The following KCNIP4 variants were observed in gnomAD, a reference collection of about 807,000 sequenced individuals.
KCNIP4 encodes potassium voltage-gated channel interacting protein 4.
In KCNIP4, 12 loss-of-function variants were observed where a neutral mutation model predicts 34.0. The observed-to-expected ratio is 0.35, with a 90% CI of 0.23 to 0.57. The LOEUF (loss-of-function observed/expected upper bound fraction) is 0.57. Among genes scored for constraint, KCNIP4 ranks in the 20% least tolerant of loss-of-function variants. The pLI is 0.83. For synonymous variants in KCNIP4, 124 were observed against 102.2 expected (o/e 1.21, Z -1.29); for missense variants, 238 against 311.7 (o/e 0.76, Z 1.78).
At chr4:20,823,750 T>TA (rs1717392422) in intron 3 of KCNIP4, among the ~76,000 whole-genome samples, 1 of 152,212 alleles carries the variant, frequency 6.6e-6, no homozygotes, top group Non-Finnish European at 1.5e-5. Flanking sequence ...TATTCTTTTA[T>TA]AGCAGTCCAA....
chr4:21,893,365 C>A (rs564129370), intron 1 of KCNIP4, among the ~76,000 whole-genome samples: 1 of 152,148 alleles, frequency 6.6e-6, no homozygotes, highest in Non-Finnish European at 1.5e-5. Context: ...TTTTTTATAA[C>A]GTTTCTTCTG....
rs2167247 is a variant in KCNIP4 at position 21,699,779 on chromosome 4, T to C, written c.61+248792A>G. Among the ~76,000 whole-genome samples the C allele has an allele frequency of 2.0e-5, 3 of 152,184 alleles. No individual in the cohort carries two copies. The East Asian group carries it at 5.8e-4, about 29-fold the overall frequency. On this transcript the variant is annotated intron_variant, in intron 1 of 8. Coordinates refer to ENST00000382152, the MANE Select transcript of KCNIP4 (RefSeq NM_025221.6). ...AGCCTTATAGCTGGGGTAAGGGATT[T>C]AGATTTCAGTCTCTTTGCCAGAAAG...
intron 1 of KCNIP4, among the ~76,000 whole-genome samples, chr4:21,790,638 G>A (rs934596124): frequency 6.6e-6 from 1 of 151,990 alleles, no homozygotes. Flanking sequence ...AGAAGAGGGC[G>A]CTATCCTCAA....
At chr4:21,483,299 A>T (rs59042691) in intron 1 of KCNIP4, among the ~76,000 whole-genome samples, 1 of 152,122 alleles carries the variant, frequency 6.6e-6, no homozygotes, top group East Asian at 1.9e-4. Context: ...TCTTCATCAA[A>T]TTAATAATAA....
At chr4:21,634,393 CACTTTAT>C (rs1021891784) in intron 1 of KCNIP4, among the ~76,000 whole-genome samples, 21 of 152,002 alleles carry the variant, frequency 1.4e-4, no homozygotes, top group African/African-American at 4.8e-4. Flanking sequence ...GAGAAATGTA[CACTTTAT>C]ACTTTATATA....
At chr4:21,254,157 T>C (rs1370150793) in intron 1 of KCNIP4, among the ~76,000 whole-genome samples, 1 of 152,232 alleles carries the variant, frequency 6.6e-6, no homozygotes, top group East Asian at 1.9e-4. Context: ...TAAATGTATA[T>C]ATATGCATAC....
chr4:20,889,766 T>TAAA (rs199735267), intron 1 of KCNIP4, among the ~76,000 whole-genome samples: 6 of 119,386 alleles, frequency 5.0e-5, no homozygotes, highest in East Asian at 4.9e-4. Context: ...AACTGGAAGT[T>TAAA]CAAAAAAAAA....
intron 1 of KCNIP4, among the ~76,000 whole-genome samples, chr4:21,492,417 C>A (rs763637673): frequency 4.6e-5 from 7 of 151,882 alleles, no homozygotes; most frequent in Non-Finnish European, 7.4e-5. Context: ...AGACATAGGG[C>A]CTCTCTTTTT....
intron 3 of KCNIP4, among the ~76,000 whole-genome samples, chr4:20,837,870 A>G (rs994345167): frequency 1.3e-4 from 19 of 146,182 alleles, no homozygotes; most frequent in Admixed American, 2.7e-4. Flanking sequence ...TTGTATTTTT[A>G]GTAGAGATGG....
intron 1 of KCNIP4, among the ~76,000 whole-genome samples, chr4:21,587,362 A>G (rs1327664018): frequency 6.6e-6 from 1 of 152,034 alleles, no homozygotes; most frequent in Non-Finnish European, 1.5e-5. Context: ...AACACCACAT[A>G]AACCATAAAG....
At chr4:21,134,458 A>T (rs867128188) in intron 1 of KCNIP4, among the ~76,000 whole-genome samples, 19 of 152,228 alleles carry the variant, frequency 1.2e-4, no homozygotes, top group African/African-American at 4.1e-4. Flanking sequence ...TGTCATTACT[A>T]GTTACGTTTT....
chr4:21,613,858 T>C (rs958329846), intron 1 of KCNIP4: 3 of 151,970 alleles, frequency 2.0e-5, no homozygotes, highest in Non-Finnish European at 4.4e-5. Flanking sequence ...TTTATTCTGG[T>C]GGCCAGGCAA....
At chr4:21,072,786 A>T (rs923880018) in intron 1 of KCNIP4, among the ~76,000 whole-genome samples, 1 of 152,134 alleles carries the variant, frequency 6.6e-6, no homozygotes, top group Non-Finnish European at 1.5e-5. Flanking sequence ...TGGGTCTAAC[A>T]TGTAAGTCTT....
chr4:21,862,830 A>G lies in KCNIP4; in HGVS notation c.61+85741T>C, dbSNP rs186365440. ...CAAAAAATTAGCCGGGCGTGGTGGC[A>G]GGCACCTGTAGTCCCAGCTACTCGG... On this transcript the variant is annotated intron_variant, in intron 1 of 8. Transcript: ENST00000382152. Among the ~76,000 whole-genome samples the G allele has an allele frequency of 7.9e-3, 1,199 of 152,144 alleles. 11 individuals are homozygous for G. Among genetic ancestry groups the G allele is most frequent in the Middle Eastern group, 0.017 (5 of 294 alleles).
intron 1 of KCNIP4, among the ~76,000 whole-genome samples, chr4:20,981,222 G>A (rs936445845): frequency 1.3e-4 from 20 of 152,136 alleles, no homozygotes; most frequent in Admixed American, 5.2e-4. Flanking sequence ...CAGGGGCTGA[G>A]GAGACCACTT....
intron 1 of KCNIP4, among the ~76,000 whole-genome samples, chr4:21,137,997 G>A (rs1050589479): frequency 2.7e-5 from 4 of 150,108 alleles, no homozygotes; most frequent in Admixed American, 1.3e-4. Flanking sequence ...TCAGCCTCCC[G>A]AGTAGCTGGG....
At chr4:20,815,894 C>T (rs564373054) in intron 3 of KCNIP4, among the ~76,000 whole-genome samples, 1 of 152,178 alleles carries the variant, frequency 6.6e-6, no homozygotes, top group South Asian at 2.1e-4. Flanking sequence ...CCCAGTTTGC[C>T]TGTTGCAAAT....
At chr4:21,637,658 C>G (rs1483217524) in intron 1 of KCNIP4, among the ~76,000 whole-genome samples, 2 of 151,784 alleles carry the variant, frequency 1.3e-5, no homozygotes, top group Non-Finnish European at 2.9e-5. Context: ...TGGCGCACAC[C>G]TGTAATCCCA....
intron 1 of KCNIP4, among the ~76,000 whole-genome samples, chr4:21,576,066 A>G (rs1356821216): frequency 1.3e-5 from 2 of 152,184 alleles, no homozygotes; most frequent in African/African-American, 4.8e-5. Flanking sequence ...AAATTTTTTT[A>G]GTTTGTTGCT....
Sources: gnomAD v4.1 joint callset for allele counts (sites outside exome capture counted in the v4.1 genomes callset) on GRCh38, gnomAD v4.1.1 for gene constraint, MANE v1.5 for transcripts, NCBI Gene and HGNC (gene_info 2026-07-23, HGNC 2026-07-21) for gene names.